TRABD2A: variants seen among roughly 807,000 people sequenced by gnomAD.
TRABD2A encodes the protein metalloprotease TIKI1.
TRABD2A carries 43 observed loss-of-function variants against 45.6 expected under a neutral mutation model. That is an observed-to-expected ratio of 0.94 (90% CI 0.74 to 1.22). The LOEUF is 1.22. Among genes scored for constraint, TRABD2A ranks in the 50% most tolerant of loss-of-function variants. The pLI is 0.00. For synonymous variants in TRABD2A, 269 were observed against 265.0 expected (o/e 1.02, Z -0.15); for missense variants, 642 against 652.4 (o/e 0.98, Z 0.17).
chr2:84,862,658 A>C (rs1001924410), intron 2 of TRABD2A, among the ~76,000 whole-genome samples: 1 of 152,162 alleles, frequency 6.6e-6, no homozygotes, highest in African/African-American at 2.4e-5. Flanking sequence ...GGCAGCCCAG[A>C]GCCAGGGGAA....
Position 84,821,884 on chromosome 2 carries a change from G to T in TRABD2A, c.*33C>A. 6.6e-7 allele frequency: 1 copy of T among 1,525,506 alleles called. No individual in the cohort carries two copies. Among genetic ancestry groups the T allele is most frequent in the Non-Finnish European group, 8.8e-7 (1 of 1,133,750 alleles). 94.5% of individuals were successfully genotyped at this position (1,525,506 alleles called of 1,614,324 possible). ...AGGAATGGCCATTCTTCAAGTCCGA[G>T]GGGTCAGGTTCTTAGCCTGGTGCTT... On this transcript the variant is annotated 3_prime_UTR_variant, in exon 7 of 7. Coordinates refer to ENST00000409520, the MANE Select transcript of TRABD2A (RefSeq NM_001277053.2).
At chr2:84,864,838 T>C (rs917842044) in intron 2 of TRABD2A, among the ~76,000 whole-genome samples, 2 of 152,104 alleles carry the variant, frequency 1.3e-5, no homozygotes, top group Non-Finnish European at 2.9e-5. Context: ...GGCCACCCCA[T>C]CCTCAAAGAA....
chr2:84,848,399 CAGACAGACAGACAGATAGAT>C (rs1211208042), intron 2 of TRABD2A, among the ~76,000 whole-genome samples: 22 of 147,186 alleles, frequency 1.5e-4, no homozygotes, highest in African/African-American at 5.8e-4. Flanking sequence ...GACAGACAGA[CAGACAGACAGACAGATAGAT>C]AGTCTCCACT....
At chr2:84,831,335 T>G (rs114926387) in intron 5 of TRABD2A, among the ~76,000 whole-genome samples, 1 of 152,142 alleles carries the variant, frequency 6.6e-6, no homozygotes. Context: ...GCATTTCTGT[T>G]GATTAAATCA....
chr2:84,829,691 C>T (rs1681265686), intron 5 of TRABD2A, among the ~76,000 whole-genome samples: 1 of 150,894 alleles, frequency 6.6e-6, no homozygotes. Context: ...CACATACACA[C>T]AACACACACA....
At chr2:84,825,060 G>A (rs1299879492) in intron 5 of TRABD2A, among the ~76,000 whole-genome samples, 1 of 152,172 alleles carries the variant, frequency 6.6e-6, no homozygotes, top group Non-Finnish European at 1.5e-5. Context: ...GGATGGGGGA[G>A]CAGAAAGAGA....
At chr2:84,865,779 G>A (rs1682656049) in intron 2 of TRABD2A, among the ~76,000 whole-genome samples, 1 of 152,200 alleles carries the variant, frequency 6.6e-6, no homozygotes, top group African/African-American at 2.4e-5. Flanking sequence ...CTGGTGATGT[G>A]TGAACATGGA....
At chr2:84,875,616 A>C (rs1048250083) in intron 1 of TRABD2A, among the ~76,000 whole-genome samples, 3 of 152,212 alleles carry the variant, frequency 2.0e-5, no homozygotes, top group Admixed American at 6.5e-5. Flanking sequence ...TAGAGGGATG[A>C]GGGCAGACAC....
chr2:84,845,941 A>T (rs1681881067), intron 2 of TRABD2A, among the ~76,000 whole-genome samples: 1 of 152,150 alleles, frequency 6.6e-6, no homozygotes, highest in Non-Finnish European at 1.5e-5. Flanking sequence ...AGATGGGTGG[A>T]AAGGAGGTCT....
chr2:84,873,519 G>A (rs1682934123), intron 1 of TRABD2A, among the ~76,000 whole-genome samples: 1 of 152,182 alleles, frequency 6.6e-6, no homozygotes, highest in Non-Finnish European at 1.5e-5. Context: ...CTCTTATGCA[G>A]TAATAAGGGC....
Position 84,870,111 on chromosome 2 carries a change from G to A in TRABD2A, c.669+114C>T, listed in dbSNP as rs900179101. The A allele has an allele frequency of 7.1e-6, 8 of 1,126,242 alleles. No individual in the cohort carries two copies. The Admixed American group carries it at 9.6e-5, about 14-fold the overall frequency. The allele number at this position is 1,126,242 out of a possible 1,614,324, so 69.8% of individuals were successfully genotyped here. A position where few individuals can be genotyped will look rare whatever the true frequency, so the allele number is the denominator to read the frequency against. On this transcript the variant is annotated intron_variant, in intron 2 of 6. Coordinates refer to ENST00000409520, the MANE Select transcript of TRABD2A (RefSeq NM_001277053.2). The stretch of plus-strand genomic sequence containing the variant: ...TTAACCCCCGGAAAAGCATTTTTAA[G>A]CAAAGACAATTTCTAGACAAGCTGT...
At chr2:84,833,842 G>C (rs1172349463) in intron 4 of TRABD2A, 1 of 151,644 alleles carries the variant, frequency 6.6e-6, no homozygotes, top group African/African-American at 2.4e-5. Context: ...CAAGCCCTGA[G>C]TACTGGGCAA....
Position 84,870,768 on chromosome 2 carries a change from G to A in TRABD2A, c.126C>T (p.Ser42=), listed in dbSNP as rs1366706891. 6.3e-7 allele frequency: 1 copy of A among 1,586,870 alleles called. No homozygotes were observed. Among genetic ancestry groups the A allele is most frequent in the Admixed American group, 1.8e-5 (1 of 55,560 alleles). The change falls in exon 2 of 7, where the codon TCC becomes TCT. Residue 42 remains serine (S), a synonymous_variant. Transcript: ENST00000409520. The part of the protein sequence containing the change: ...ELKPQQSELN[S]FLWTIKRDPP... ...GGTCTCGCTTAATGGTCCACAAGAA[G>A]GAATTCAGCTCGCTTTGCTGAAAAG...
intron 2 of TRABD2A, among the ~76,000 whole-genome samples, chr2:84,854,644 C>T (rs1445756833): frequency 2.6e-5 from 4 of 152,126 alleles, no homozygotes; most frequent in Non-Finnish European, 5.9e-5. Context: ...GCCTTGGTGC[C>T]TCCCAGGCCT....
chr2:84,864,786 G>A (rs12464608), intron 2 of TRABD2A, among the ~76,000 whole-genome samples: 21,055 of 152,066 alleles, frequency 0.14, 1,877 homozygotes, highest in African/African-American at 0.26. Flanking sequence ...ACAAAACAAG[G>A]CACCACATGG....
In TRABD2A at chr2:84,832,041, C is replaced by T; in HGVS notation, c.1082+14G>A. ...CTCAGCTCCCCAGCCAAGATAGAAG[C>T]ACAGGACGGTTACTTGTGGATGGGT... On this transcript the variant is annotated intron_variant, in intron 5 of 6. Transcript: ENST00000409520. 6.2e-7 allele frequency: 1 copy of T among 1,613,962 alleles called. No individual in the cohort carries two copies. Among genetic ancestry groups the T allele is most frequent in the Non-Finnish European group, 8.5e-7 (1 of 1,179,864 alleles).
intron 1 of TRABD2A, 116 bp downstream of exon 1, chr2:84,880,816 G>A: frequency 1.4e-6 from 2 of 1,462,808 alleles, no homozygotes; most frequent in Non-Finnish European, 9.2e-7. Flanking sequence ...CTAGGTGAAA[G>A]CCCAGCCGCG....
At chr2:84,873,684 C>T (rs1047316553) in intron 1 of TRABD2A, among the ~76,000 whole-genome samples, 2 of 152,150 alleles carry the variant, frequency 1.3e-5, no homozygotes, top group Non-Finnish European at 2.9e-5. Flanking sequence ...AGATGCTAAT[C>T]AAAAGTTGAG....
chr2:84,821,734 G>A lies in TRABD2A; in HGVS notation c.*183C>T. On this transcript the variant is annotated 3_prime_UTR_variant, in exon 7 of 7. Transcript: ENST00000409520. ...CACTATGTTACAAAACTGTACACCT[G>A]CCCCCAAAGTTGGATAACCCAAAGT... 2.1e-6 allele frequency: 1 copy of A among 478,808 alleles called. No individual in the cohort carries two copies. 29.7% of individuals were successfully genotyped at this position (478,808 alleles called of 1,614,324 possible).
Sources: gnomAD v4.1 joint callset for allele counts (sites outside exome capture counted in the v4.1 genomes callset) on GRCh38, gnomAD v4.1.1 for gene constraint, MANE v1.5 for transcripts, NCBI Gene and HGNC (gene_info 2026-07-23, HGNC 2026-07-21) for gene names.